GSDME: variants seen among roughly 807,000 people sequenced by gnomAD.
GSDME encodes the protein gasdermin-E.
Under a neutral mutation model 47.5 loss-of-function variants are expected in GSDME, and 44 were observed. The observed-to-expected ratio is 0.93, with a 90% CI of 0.73 to 1.19. The LOEUF (loss-of-function observed/expected upper bound fraction) is 1.19, where lower values mean the gene tolerates loss of function less well. Among genes scored for constraint, GSDME ranks in the 50% most tolerant of loss-of-function variants. GSDME has a pLI of 0.00. For missense variants in GSDME, 663 were observed against 604.2 expected (o/e 1.10, Z -1.02); for synonymous variants, 258 against 252.8 (o/e 1.02, Z -0.20).
rs367879224 is a variant in GSDME at position 24,699,306 on chromosome 7, A to C, written c.1258-47T>G. On this transcript the variant is annotated intron_variant, in intron 9 of 9. Transcript: ENST00000645220. Reference sequence around the variant, plus strand: ...AATTCACTTTTAAAATGTCCTAAAAAATCCACATTGGATAGTAATGCACTT... The same window carrying C: ...AATTCACTTTTAAAATGTCCTAAAACATCCACATTGGATAGTAATGCACTT... The C allele has an allele frequency of 4.1e-5, 58 of 1,406,414 alleles. No homozygotes were observed. The African/African-American group carries it at 7.2e-4, about 17-fold the overall frequency. The allele number at this position is 1,406,414 out of a possible 1,614,324, so 87.1% of individuals were successfully genotyped here. A position where few individuals can be genotyped will look rare whatever the true frequency, so the allele number is the denominator to read the frequency against.
Position 24,756,280 on chromosome 7 carries a change from G to C in GSDME, c.-20+1116C>G, listed in dbSNP as rs1056389302. Among the ~76,000 whole-genome samples, 5 of 152,166 alleles carry C rather than the reference G, an allele frequency of 3.3e-5. No individual in the cohort carries two copies. Among genetic ancestry groups the C allele is most frequent in the Non-Finnish European group, 7.4e-5 (5 of 68,018 alleles). On this transcript the variant is annotated intron_variant, in intron 1 of 9. Transcript: ENST00000645220. This position sits in a 1 kb window ranked among gnomAD's most constrained non-coding sequence, Gnocchi z 4.2. Reference sequence around the variant, plus strand: ...CTACGGGTGTATGGGAGGATCCCTTGAGCCCAGGAATTCAAGGCTGCAGTG... The same window carrying C: ...CTACGGGTGTATGGGAGGATCCCTTCAGCCCAGGAATTCAAGGCTGCAGTG...
chr7:24,706,485 G>A, intron 7 of GSDME, 109 bp from the exon 8 acceptor site: 1 of 1,074,754 alleles, frequency 9.3e-7, no homozygotes, highest in Non-Finnish European at 1.4e-6. Flanking sequence ...ACTCCCCCGA[G>A]GAAAGTACGA....
intron 1 of GSDME, among the ~76,000 whole-genome samples, 198 bp from the exon 2 acceptor site, chr7:24,749,991 C>A (rs1388686525): frequency 1.3e-5 from 2 of 152,176 alleles, no homozygotes; most frequent in Non-Finnish European, 2.9e-5. Flanking sequence ...ATATACCAGT[C>A]TGGATATGCT....
chr7:24,743,975 G>T (rs1790569031), intron 3 of GSDME: 1 of 161,666 alleles, frequency 6.2e-6, no homozygotes, highest in African/African-American at 2.4e-5. Flanking sequence ...CCAGAATGTA[G>T]AACAGTACAT....
At chr7:24,774,366 C>T in the GSDME span, among the ~76,000 whole-genome samples, 1 of 144,008 alleles carries the variant, frequency 6.9e-6, no homozygotes, top group Admixed American at 7.1e-5. Context: ...CCTTCCTGTC[C>T]ATCTTTCACC....
At chr7:24,702,975 T>C in intron 8 of GSDME, 142 bp from the exon 9 acceptor site, 1 of 663,042 alleles carries the variant, frequency 1.5e-6, no homozygotes, top group Non-Finnish European at 2.7e-6. Flanking sequence ...GCTGAGTTAG[T>C]GAATGAATGG....
intron 3 of GSDME, among the ~76,000 whole-genome samples, chr7:24,723,348 G>A (rs908837274): frequency 4.6e-5 from 7 of 152,186 alleles, no homozygotes; most frequent in East Asian, 1.9e-4. Flanking sequence ...CCCTGGGGAC[G>A]GTGTTCTCAG....
chr7:24,747,771 G>A (rs1790714408), intron 2 of GSDME, among the ~76,000 whole-genome samples: 2 of 151,968 alleles, frequency 1.3e-5, no homozygotes, highest in South Asian at 4.1e-4. Flanking sequence ...GGGTTCAAGC[G>A]ATCCTCCCAC....
At chr7:24,727,466 C>G (rs1048553671) in intron 3 of GSDME, among the ~76,000 whole-genome samples, 1 of 152,038 alleles carries the variant, frequency 6.6e-6, no homozygotes, top group Non-Finnish European at 1.5e-5. Flanking sequence ...GAATATTAAG[C>G]AAGAATTACT....
Position 24,736,243 on chromosome 7 carries a change from A to T in GSDME, c.404+8319T>A, listed in dbSNP as rs1790301343. Among the ~76,000 whole-genome samples the T allele has an allele frequency of 6.6e-6, 1 of 152,192 alleles. No homozygotes were observed. Among genetic ancestry groups the T allele is most frequent in the South Asian group, 2.1e-4 (1 of 4,830 alleles). On this transcript the variant is annotated intron_variant, in intron 3 of 9. Transcript: ENST00000645220. This position sits in a 1 kb window ranked among gnomAD's most constrained non-coding sequence, Gnocchi z 4.6. ...ACACTGGCTAAATGGATTAAAAACAACAAAAAAAGACCAAATGATCTGTTG... is the reference window on the plus strand; with the variant it reads ...ACACTGGCTAAATGGATTAAAAACATCAAAAAAAGACCAAATGATCTGTTG...
At chr7:24,787,776 G>A in the GSDME span, among the ~76,000 whole-genome samples, 60 of 151,948 alleles carry the variant, frequency 3.9e-4, no homozygotes, top group African/African-American at 1.4e-3. This position sits in a 1 kb window ranked among gnomAD's most constrained non-coding sequence, Gnocchi z 5.0. Flanking sequence ...GCACAATCTC[G>A]GCTCACTGCA....
chr7:24,777,733 A>G, the GSDME span, among the ~76,000 whole-genome samples: 1 of 152,104 alleles, frequency 6.6e-6, no homozygotes, highest in African/African-American at 2.4e-5. Context: ...GCTTTTTGAA[A>G]AAGTTTATGA....
Position 24,736,860 on chromosome 7 carries a change from G to T in GSDME, c.404+7702C>A. ...AAAAACTATATAGCAATAACAAGGG[G>T]AATTTGTGAAACTATGCAAATACAT... On this transcript the variant is annotated intron_variant, in intron 3 of 9. Transcript: ENST00000645220. The surrounding 1 kb of genome is among the most constrained non-coding windows in gnomAD (Gnocchi z 4.6). 6.6e-6 allele frequency among the ~76,000 whole-genome samples: 1 copy of T among 152,080 alleles called. No homozygotes were observed. The highest frequency in any genetic ancestry group is 1.9e-4 in the East Asian group (1 of 5,202).
chr7:24,766,691 T>C, the GSDME span, among the ~76,000 whole-genome samples: 1 of 152,236 alleles, frequency 6.6e-6, no homozygotes, highest in Non-Finnish European at 1.5e-5. This position sits in a 1 kb window ranked among gnomAD's most constrained non-coding sequence, Gnocchi z 4.2. Context: ...ATTTTCTTTA[T>C]CCAGTCTATC....
At chr7:24,705,000 T>C (rs1789036594) in intron 8 of GSDME, 1 of 152,220 alleles carries the variant, frequency 6.6e-6, no homozygotes. Context: ...TTGCAGAGAA[T>C]TTGATGCTGT....
intron 3 of GSDME, among the ~76,000 whole-genome samples, chr7:24,743,592 C>T (rs970341226): frequency 6.6e-6 from 1 of 152,194 alleles, no homozygotes; most frequent in Admixed American, 6.5e-5. Context: ...AAGTGTGAGC[C>T]TTTCCAGTGG....
chr7:24,727,057 A>G (rs1789992636), intron 3 of GSDME, among the ~76,000 whole-genome samples: 1 of 152,178 alleles, frequency 6.6e-6, no homozygotes, highest in Non-Finnish European at 1.5e-5. Context: ...TAGGAAAAGG[A>G]TTCTAAGGCT....
rs922700530 is a variant in GSDME, at chr7:24,717,154, A to C, written c.697+100T>G. 5.3e-6 allele frequency: 6 copies of C among 1,138,626 alleles called. No homozygotes were observed. The East Asian group carries it at 1.2e-4, about 23-fold the overall frequency. 70.5% of individuals were successfully genotyped at this position (1,138,626 alleles called of 1,614,324 possible). On this transcript the variant is annotated intron_variant, in intron 5 of 9. Coordinates refer to ENST00000645220, the MANE Select transcript of GSDME (RefSeq NM_001127453.2). ...CAGACCTCTTTCCCTCTCTTCCCAC[A>C]GTCTCCAAAGCAGTCGAGTCCTCTG...
At chr7:24,741,706 G>A (rs547116483) in intron 3 of GSDME, among the ~76,000 whole-genome samples, 2 of 152,216 alleles carry the variant, frequency 1.3e-5, no homozygotes, top group Admixed American at 6.5e-5. Flanking sequence ...TAAGCATCAC[G>A]AACTGCCACT....
Sources: gnomAD v4.1 joint callset for allele counts (sites outside exome capture counted in the v4.1 genomes callset) on GRCh38, gnomAD v4.1.1 for gene constraint, Gnocchi (gnomAD v3.1) non-coding constraint, MANE v1.5 for transcripts, NCBI Gene and HGNC (gene_info 2026-07-23, HGNC 2026-07-21) for gene names.